Variants in MB21D2 observed in about 807,000 individuals in gnomAD.
The protein encoded by MB21D2 is Mab-21 domain containing 2.
A neutral mutation model predicts 33.3 loss-of-function variants in MB21D2; 9 were observed. That is an observed-to-expected ratio of 0.27 (90% CI 0.16 to 0.47). MB21D2 has a LOEUF of 0.47. Among genes scored for constraint, MB21D2 ranks in the 20% least tolerant of loss-of-function variants. MB21D2 has a pLI of 0.99. For missense variants in MB21D2, 540 were observed against 624.6 expected (o/e 0.86, Z 1.44); for synonymous variants, 241 against 236.3 (o/e 1.02, Z -0.18).
At chr3:192,915,377 C>G (rs888493888) in intron 1 of MB21D2, among the ~76,000 whole-genome samples, 1 of 152,178 alleles carries the variant, frequency 6.6e-6, no homozygotes, top group African/African-American at 2.4e-5. Context: ...ACATAGGAAC[C>G]CTTGCTGTCG....
chr3:192,868,905 G>A (rs568515462), intron 1 of MB21D2, among the ~76,000 whole-genome samples: 3 of 152,306 alleles, frequency 2.0e-5, no homozygotes, highest in East Asian at 1.9e-4. Flanking sequence ...GAAATGCTAA[G>A]TTTGGGGACT....
intron 1 of MB21D2, among the ~76,000 whole-genome samples, chr3:192,806,907 T>C (rs913849002): frequency 1.3e-5 from 2 of 152,210 alleles, no homozygotes; most frequent in Non-Finnish European, 2.9e-5. Flanking sequence ...TCGAGTCCAA[T>C]TCATTTATGA....
chr3:192,913,695 G>A (rs769662990), intron 1 of MB21D2, among the ~76,000 whole-genome samples: 6 of 151,996 alleles, frequency 3.9e-5, no homozygotes, highest in East Asian at 1.9e-4. Context: ...AGCTGGGCAC[G>A]GTGGTACACA....
rs192083205 is a variant in MB21D2, at chr3:192,859,425, G to T, written c.211+58205C>A. Among the ~76,000 whole-genome samples the T allele has an allele frequency of 5.9e-5, 9 of 152,192 alleles. No homozygotes were observed. The East Asian group carries it at 1.7e-3, about 29-fold the overall frequency. On this transcript the variant is annotated intron_variant, in intron 1 of 1. Coordinates refer to ENST00000392452, the MANE Select transcript of MB21D2 (RefSeq NM_178496.4). ...TGCCAGATGAGGAGCGGGGGAAGAA[G>T]ACAGCACTTTTGCTGTCAGATCCTA...
chr3:192,798,542 T>C lies in MB21D2; in HGVS notation c.1320A>G (p.Pro440=), dbSNP rs1720571229. The part of the protein sequence containing the change: ...RRGSTTSIPS[P]QSDGGDPNQP... Reference sequence around the variant, plus strand: ...GGTTGGGGTCCCCTCCGTCAGACTGTGGAGAGGGGATGCTGGTGGTGCTAC... The same window carrying C: ...GGTTGGGGTCCCCTCCGTCAGACTGCGGAGAGGGGATGCTGGTGGTGCTAC... Residue 440 remains proline (P), a synonymous_variant, in exon 2 of 2, where the codon CCA becomes CCG. Transcript: ENST00000392452. This position sits in a 1 kb window ranked among gnomAD's most constrained non-coding sequence, Gnocchi z 4.8. 6.2e-7 allele frequency: 1 copy of C among 1,614,136 alleles called. No individual in the cohort carries two copies. The highest frequency in any genetic ancestry group is 1.3e-5 in the African/African-American group (1 of 75,018).
At chr3:192,801,638 A>C (rs1474601440) in intron 1 of MB21D2, among the ~76,000 whole-genome samples, 1 of 152,198 alleles carries the variant, frequency 6.6e-6, no homozygotes, top group African/African-American at 2.4e-5. Context: ...GTGAGAAGAC[A>C]GCCATCTATG....
At chr3:192,842,760 G>C (rs960086834) in intron 1 of MB21D2, among the ~76,000 whole-genome samples, 8 of 152,122 alleles carry the variant, frequency 5.3e-5, no homozygotes, top group African/African-American at 1.7e-4. Context: ...GAGATTCAAG[G>C]AACATTCAGA....
intron 1 of MB21D2, among the ~76,000 whole-genome samples, chr3:192,883,221 A>G (rs768439093): frequency 2.6e-5 from 4 of 152,022 alleles, no homozygotes; most frequent in Non-Finnish European, 5.9e-5. Flanking sequence ...TTCAGGGCCT[A>G]TTAACTACAC....
At chr3:192,807,079 T>C (rs1711680128) in intron 1 of MB21D2, among the ~76,000 whole-genome samples, 1 of 152,226 alleles carries the variant, frequency 6.6e-6, no homozygotes, top group Admixed American at 6.5e-5. Context: ...ACAGGGTTTG[T>C]TGGCACATGC....
intron 1 of MB21D2, among the ~76,000 whole-genome samples, chr3:192,828,227 T>C (rs191117559): frequency 6.6e-6 from 1 of 152,090 alleles, no homozygotes; most frequent in Admixed American, 6.5e-5. Context: ...GAATGCAAAT[T>C]TGTTTTATTT....
At chr3:192,880,584 C>G (rs1050085150) in intron 1 of MB21D2, among the ~76,000 whole-genome samples, 1 of 151,994 alleles carries the variant, frequency 6.6e-6, no homozygotes, top group Non-Finnish European at 1.5e-5. Flanking sequence ...AGATGTGAGT[C>G]CCCCAGGAAA....
At chr3:192,899,231 G>T (rs1004151362) in intron 1 of MB21D2, among the ~76,000 whole-genome samples, 7 of 152,134 alleles carry the variant, frequency 4.6e-5, no homozygotes, top group Non-Finnish European at 8.8e-5. Flanking sequence ...TGTAGAACAG[G>T]CTAAGGAGTT....
chr3:192,829,895 T>G (rs1222609450), intron 1 of MB21D2, among the ~76,000 whole-genome samples: 5 of 152,088 alleles, frequency 3.3e-5, no homozygotes, highest in African/African-American at 7.2e-5. Flanking sequence ...CCCAGCTAAT[T>G]TATTTGTTTA....
intron 1 of MB21D2, among the ~76,000 whole-genome samples, chr3:192,841,754 C>T (rs1712577178): frequency 6.6e-6 from 1 of 152,232 alleles, no homozygotes; most frequent in Admixed American, 6.5e-5. Context: ...ATCTGTTACA[C>T]AGCAATAGGT....
chr3:192,846,037 T>C (rs554452181), intron 1 of MB21D2, among the ~76,000 whole-genome samples: 3 of 151,714 alleles, frequency 2.0e-5, no homozygotes, highest in Non-Finnish European at 3.0e-5. Context: ...TGAACCATGA[T>C]CATGCCACTG....
intron 1 of MB21D2, among the ~76,000 whole-genome samples, chr3:192,909,658 C>T (rs1310617917): frequency 6.6e-6 from 1 of 152,114 alleles, no homozygotes; most frequent in African/African-American, 2.4e-5. Context: ...CGGCCAGACA[C>T]GGTGGCTCAC....
intron 1 of MB21D2, among the ~76,000 whole-genome samples, chr3:192,892,708 G>A (rs1239005056): frequency 2.6e-5 from 4 of 152,138 alleles, no homozygotes; most frequent in African/African-American, 9.7e-5. Flanking sequence ...CTCCCAAAGT[G>A]CTGGGATTAC....
intron 1 of MB21D2, among the ~76,000 whole-genome samples, chr3:192,893,105 C>G (rs1713886567): frequency 6.6e-6 from 1 of 152,156 alleles, no homozygotes; most frequent in Admixed American, 6.5e-5. Flanking sequence ...CTGCCCAGAG[C>G]TTTTGCACCA....
At chr3:192,823,490 C>A (rs1712102430) in intron 1 of MB21D2, among the ~76,000 whole-genome samples, 1 of 152,082 alleles carries the variant, frequency 6.6e-6, no homozygotes, top group Admixed American at 6.5e-5. Context: ...CCCATTTCTA[C>A]CAAAACTACA....
Sources: gnomAD v4.1 joint callset for allele counts (sites outside exome capture counted in the v4.1 genomes callset) on GRCh38, gnomAD v4.1.1 for gene constraint, Gnocchi (gnomAD v3.1) non-coding constraint, MANE v1.5 for transcripts, NCBI Gene and HGNC (gene_info 2026-07-23, HGNC 2026-07-21) for gene names.